RAB21: variants seen among roughly 807,000 people sequenced by gnomAD.
RAB21 encodes RAB21, member RAS oncogene family.
Under a neutral mutation model 33.1 loss-of-function variants are expected in RAB21, and 13 were observed. That is an observed-to-expected ratio of 0.39 (90% CI 0.26 to 0.62). The LOEUF is 0.62. RAB21 is among the 20% of genes least tolerant of loss of function. The probability of loss-of-function intolerance (pLI) is 0.48; values close to 1 mark genes in which losing one functional copy is unlikely to be tolerated. For synonymous variants in RAB21, 91 were observed against 103.7 expected, an observed-to-expected ratio of 0.88 and a Z score of 0.74; for missense variants, 234 against 279.1, an observed-to-expected ratio of 0.84 and a Z score of 1.15.
chr12:71,768,795 A>G (rs563500865), intron 1 of RAB21, among the ~76,000 whole-genome samples: 6 of 152,188 alleles, frequency 3.9e-5, no homozygotes, highest in South Asian at 2.1e-4. Context: ...AAAATCAGGG[A>G]AAAAAAGTTC....
Position 71,794,425 on chromosome 12 carries a change from ATATTTTTTTTTTTTTTT to A in RAB21, c.*8754_*8770del, listed in dbSNP as rs1172109075. On this transcript the variant is annotated 3_prime_UTR_variant, in exon 7 of 7. Transcript: ENST00000261263. ...ATATATTATATATATATATATATAT[ATATTTTTTTTTTTTTTT>A]TTTTTTTTTTTTTTGAGACGGAGTC... 1 of 46,568 alleles carries A rather than the reference ATATTTTTTTTTTTTTTT, an allele frequency of 2.1e-5. No individual in the cohort carries two copies. The highest frequency in any genetic ancestry group is 1.1e-4 in the African/African-American group (1 of 8,732). 2.9% of individuals were successfully genotyped at this position (46,568 alleles called of 1,614,324 possible).
intron 1 of RAB21, among the ~76,000 whole-genome samples, chr12:71,766,089 A>G (rs115839978): frequency 0.011 from 1,677 of 152,286 alleles, 35 homozygotes; most frequent in African/African-American, 0.039. Flanking sequence ...TGCATCATAT[A>G]TATGAGTTAA....
At chr12:71,770,897 A>G (rs1233935074) in intron 3 of RAB21, among the ~76,000 whole-genome samples, 198 bp downstream of exon 3, 2 of 152,184 alleles carry the variant, frequency 1.3e-5, no homozygotes, top group Non-Finnish European at 2.9e-5. Flanking sequence ...TTAATGAAAT[A>G]TTTGATTCAT....
Position 71,793,723 on chromosome 12 carries a change from AATT to A in RAB21, c.*8051_*8053del, listed in dbSNP as rs1381385241. On this transcript the variant is annotated 3_prime_UTR_variant, in exon 7 of 7. Transcript: ENST00000261263. ...TTTAGCCAAAAGTAGTGGCATAAGA[AATT>A]TATTTATGCGAAAGACATAATTTTG... 6.6e-6 allele frequency: 1 copy of A among 152,210 alleles called. No homozygotes were observed. Among genetic ancestry groups the A allele is most frequent in the Non-Finnish European group, 1.5e-5 (1 of 68,036 alleles). The allele number at this position is 152,210 out of a possible 1,614,324, so 9.4% of individuals were successfully genotyped here.
chr12:71,799,408 G>C lies in RAB21; in HGVS notation c.*13735G>C, dbSNP rs1883508229. ...GCTTCTGTTTCCTGCATTGAAAGCTGACTGATCTGGAGGGCAATTGGGCAA... is the reference window on the plus strand; with the variant it reads ...GCTTCTGTTTCCTGCATTGAAAGCTCACTGATCTGGAGGGCAATTGGGCAA... On this transcript the variant is annotated 3_prime_UTR_variant, in exon 7 of 7. Transcript: ENST00000261263. 6.6e-6 allele frequency: 1 copy of C among 152,158 alleles called. No individual in the cohort carries two copies. The highest frequency in any genetic ancestry group is 6.5e-5 in the Admixed American group (1 of 15,282). The allele number at this position is 152,158 out of a possible 1,614,324, so 9.4% of individuals were successfully genotyped here.
intron 4 of RAB21, among the ~76,000 whole-genome samples, chr12:71,781,235 C>T (rs1418511725): frequency 2.6e-5 from 4 of 151,976 alleles, no homozygotes; most frequent in Non-Finnish European, 5.9e-5. Context: ...TTTGGGAGGC[C>T]GAGGCAGGCG....
intron 1 of RAB21, among the ~76,000 whole-genome samples, chr12:71,758,904 G>A (rs1403314915): frequency 6.6e-6 from 1 of 152,158 alleles, no homozygotes; most frequent in Non-Finnish European, 1.5e-5. Context: ...AGTGCAGGCT[G>A]TCACCTCTCC....
chr12:71,763,564 C>T (rs1882911858), intron 1 of RAB21, among the ~76,000 whole-genome samples: 2 of 150,174 alleles, frequency 1.3e-5, no homozygotes, highest in Admixed American at 6.7e-5. Context: ...AAACAAGAAT[C>T]AGGTGTTAAT....
At chr12:71,766,032 A>G (rs1882955833) in intron 1 of RAB21, among the ~76,000 whole-genome samples, 2 of 152,138 alleles carry the variant, frequency 1.3e-5, no homozygotes, top group South Asian at 4.1e-4. Context: ...TTCATTATGA[A>G]GGAAAAAAAT....
At chr12:71,762,547 C>G (rs962430155) in intron 1 of RAB21, among the ~76,000 whole-genome samples, 7 of 151,684 alleles carry the variant, frequency 4.6e-5, no homozygotes, top group Admixed American at 3.3e-4. Context: ...CCTCGTGATC[C>G]GCCCGCCTCG....
intron 4 of RAB21, among the ~76,000 whole-genome samples, chr12:71,779,962 A>AG (rs1194914939): frequency 2.6e-5 from 4 of 152,238 alleles, no homozygotes; most frequent in African/African-American, 9.6e-5. Flanking sequence ...GTCAGTCACT[A>AG]GCCAGTCAGG....
At position 71,759,148 on chromosome 12, in the gene RAB21, A is replaced by C. The variant is rs910028092; in HGVS notation, c.159+3860A>C. Among the ~76,000 whole-genome samples, 5 of 152,286 alleles carry C rather than the reference A, an allele frequency of 3.3e-5. No homozygotes were observed. The East Asian group carries it at 9.6e-4, about 29-fold the overall frequency. On this transcript the variant is annotated intron_variant, in intron 1 of 6. Coordinates refer to ENST00000261263, the MANE Select transcript of RAB21 (RefSeq NM_014999.4). Reference sequence around the variant, plus strand: ...TTGACCCATTAAGGTTGGCTTTGGTAGATTTGCTCCAATAGTTAAGCCTGT... The same window carrying C: ...TTGACCCATTAAGGTTGGCTTTGGTCGATTTGCTCCAATAGTTAAGCCTGT...
In RAB21 at chr12:71,790,793, C is replaced by T. The variant is rs1427405617; in HGVS notation, c.*5120C>T. On this transcript the variant is annotated 3_prime_UTR_variant, in exon 7 of 7. Transcript: ENST00000261263. Reference sequence around the variant, plus strand: ...TGCCATTTGCCTTTTCTCTTGCCAACGTGTCTAGGAGCTCTTTGGTAAATA... The same window carrying T: ...TGCCATTTGCCTTTTCTCTTGCCAATGTGTCTAGGAGCTCTTTGGTAAATA... 6.6e-6 allele frequency: 1 copy of T among 151,812 alleles called. No individual in the cohort carries two copies. Among genetic ancestry groups the T allele is most frequent in the East Asian group, 1.9e-4 (1 of 5,190 alleles). The allele number at this position is 151,812 out of a possible 1,614,324, so 9.4% of individuals were successfully genotyped here. A position where few individuals can be genotyped will look rare whatever the true frequency, so the allele number is the denominator to read the frequency against.
intron 6 of RAB21, among the ~76,000 whole-genome samples, chr12:71,784,215 C>T (rs1030457866): frequency 1.3e-5 from 2 of 152,082 alleles, no homozygotes; most frequent in Non-Finnish European, 2.9e-5. Context: ...TTCTCAAATA[C>T]GTGTTTTGTA....
chr12:71,793,773 T>G lies in RAB21; in HGVS notation c.*8100T>G, dbSNP rs979976322. The G allele has an allele frequency of 3.9e-5, 6 of 152,206 alleles. No homozygotes were observed. Among genetic ancestry groups the G allele is most frequent in the Non-Finnish European group, 8.8e-5 (6 of 68,030 alleles). The allele number at this position is 152,206 out of a possible 1,614,324, so 9.4% of individuals were successfully genotyped here. The stretch of plus-strand genomic sequence containing the variant: ...TTTGGGTGAACTTTCTTGAAGATGG[T>G]CAGAAAGGGCATTGTTAAAGGAAGG... On this transcript the variant is annotated 3_prime_UTR_variant, in exon 7 of 7. Transcript: ENST00000261263.
At chr12:71,768,361 C>T (rs773453209) in intron 1 of RAB21, among the ~76,000 whole-genome samples, 2 of 152,166 alleles carry the variant, frequency 1.3e-5, no homozygotes, top group Non-Finnish European at 2.9e-5. Flanking sequence ...GACCTTTTAT[C>T]TGTTTCACCT....
In RAB21 at chr12:71,754,874, G is replaced by A; in HGVS notation, c.-256G>A. 5.7e-6 allele frequency: 1 copy of A among 176,058 alleles called. No individual in the cohort carries two copies. The highest frequency in any genetic ancestry group is 1.9e-4 in the South Asian group (1 of 5,250). 10.9% of individuals were successfully genotyped at this position (176,058 alleles called of 1,614,324 possible). A position where few individuals can be genotyped will look rare whatever the true frequency, so the allele number is the denominator to read the frequency against. On this transcript the variant is annotated 5_prime_UTR_variant, in exon 1 of 7. Transcript: ENST00000261263. ...ACCCGAGGTGTGACGTAGGAGGAAGGAGACGCCATTAGAGGGAGGCAGAGA... is the reference window on the plus strand; with the variant it reads ...ACCCGAGGTGTGACGTAGGAGGAAGAAGACGCCATTAGAGGGAGGCAGAGA...
At chr12:71,760,169 A>G (rs949888631) in intron 1 of RAB21, among the ~76,000 whole-genome samples, 22 of 152,210 alleles carry the variant, frequency 1.4e-4, no homozygotes, top group African/African-American at 5.1e-4. Flanking sequence ...AAAATTGCTT[A>G]TAGGTTAAAT....
At chr12:71,765,618 T>C (rs923377991) in intron 1 of RAB21, among the ~76,000 whole-genome samples, 5 of 152,182 alleles carry the variant, frequency 3.3e-5, no homozygotes, top group Non-Finnish European at 7.3e-5. Flanking sequence ...CATCTTGAGT[T>C]GATTTTTGTA....
Sources: gnomAD v4.1 joint callset for allele counts (sites outside exome capture counted in the v4.1 genomes callset) on GRCh38, gnomAD v4.1.1 for gene constraint, MANE v1.5 for transcripts, NCBI Gene and HGNC (gene_info 2026-07-23, HGNC 2026-07-21) for gene names.